CADPS2: variants seen among roughly 807,000 people sequenced by gnomAD.
CADPS2 encodes calcium-dependent secretion activator 2.
A neutral mutation model predicts 172.5 loss-of-function variants in CADPS2; 93 were observed. The observed-to-expected ratio is 0.54, with a 90% CI of 0.46 to 0.64. CADPS2 has a LOEUF of 0.64. CADPS2 is among the 30% of genes least tolerant of loss of function. The probability of loss-of-function intolerance (pLI) is 0.00; values close to 1 mark genes in which losing one functional copy is unlikely to be tolerated. For synonymous variants in CADPS2, 546 were observed against 555.2 expected (o/e 0.98, Z 0.23); for missense variants, 1,420 against 1,565.9 (o/e 0.91, Z 1.57).
intron 6 of CADPS2, chr7:122,585,788 T>C (rs1315026795): frequency 6.6e-6 from 1 of 151,988 alleles, no homozygotes; most frequent in East Asian, 1.9e-4. Flanking sequence ...TTCCTGGCTT[T>C]GAAAACACAG....
chr7:122,488,116 A>C (rs1398496630), intron 11 of CADPS2, among the ~76,000 whole-genome samples: 1 of 152,198 alleles, frequency 6.6e-6, no homozygotes, highest in Non-Finnish European at 1.5e-5. Flanking sequence ...CAAATTTATA[A>C]AAACTTGGTT....
At chr7:122,645,313 G>A (rs1354259762) in intron 3 of CADPS2, among the ~76,000 whole-genome samples, 4 of 124,138 alleles carry the variant, frequency 3.2e-5, no homozygotes, top group African/African-American at 5.7e-5. Flanking sequence ...ATGTACATGT[G>A]TGTATACATG....
chr7:122,810,033 T>A (rs1799689343), intron 1 of CADPS2, among the ~76,000 whole-genome samples: 1 of 152,170 alleles, frequency 6.6e-6, no homozygotes, highest in Non-Finnish European at 1.5e-5. Context: ...ACCCAAGCTC[T>A]GAGATCTCAG....
intron 20 of CADPS2, among the ~76,000 whole-genome samples, chr7:122,400,207 G>A (rs535527977): frequency 1.6e-4 from 25 of 151,868 alleles, no homozygotes; most frequent in Non-Finnish European, 3.4e-4. Flanking sequence ...AGGCCGAGGC[G>A]GGTGGATCAC....
At chr7:122,339,268 G>A (rs945312210) in intron 28 of CADPS2, among the ~76,000 whole-genome samples, 12 of 152,094 alleles carry the variant, frequency 7.9e-5, no homozygotes, top group African/African-American at 2.7e-4. Context: ...TCTATTTAAT[G>A]GTCACTTTTA....
intron 9 of CADPS2, among the ~76,000 whole-genome samples, chr7:122,509,467 G>A (rs1233295212): frequency 3.9e-5 from 6 of 152,170 alleles, no homozygotes; most frequent in Non-Finnish European, 2.9e-5. Context: ...CAACACAGAC[G>A]TCTACTCAGT....
At chr7:122,628,305 T>C (rs988513678) in intron 4 of CADPS2, among the ~76,000 whole-genome samples, 2 of 152,150 alleles carry the variant, frequency 1.3e-5, no homozygotes, top group African/African-American at 4.8e-5. Flanking sequence ...TTAAAATTAG[T>C]ATGGGATATA....
chr7:122,715,045 T>A (rs2089391853), intron 2 of CADPS2, among the ~76,000 whole-genome samples: 1 of 152,148 alleles, frequency 6.6e-6, no homozygotes, highest in East Asian at 1.9e-4. Context: ...TACAGACTTC[T>A]GGCCTCCACA....
intron 1 of CADPS2, among the ~76,000 whole-genome samples, chr7:122,860,706 C>A (rs986301367): frequency 6.6e-6 from 1 of 152,036 alleles, no homozygotes; most frequent in Admixed American, 6.6e-5. Flanking sequence ...TAATTTTATA[C>A]CTGCTGACCA....
intron 1 of CADPS2, among the ~76,000 whole-genome samples, chr7:122,753,164 T>C (rs1420360278): frequency 6.6e-6 from 1 of 152,188 alleles, no homozygotes; most frequent in South Asian, 2.1e-4. Flanking sequence ...AAGCACATTT[T>C]TGAATTAAAA....
At chr7:122,798,882 T>C (rs1796965409) in intron 1 of CADPS2, among the ~76,000 whole-genome samples, 1 of 151,746 alleles carries the variant, frequency 6.6e-6, no homozygotes, top group African/African-American at 2.4e-5. Flanking sequence ...GGGGAAGAAA[T>C]CTTCCTTTGT....
At chr7:122,643,341 C>T (rs527493151) in intron 3 of CADPS2, among the ~76,000 whole-genome samples, 1 of 152,340 alleles carries the variant, frequency 6.6e-6, no homozygotes, top group South Asian at 2.1e-4. Context: ...TAGAGCATAG[C>T]TCTACCCAAC....
At chr7:122,365,654 G>C (rs145758618) in intron 25 of CADPS2, among the ~76,000 whole-genome samples, 4 of 152,090 alleles carry the variant, frequency 2.6e-5, no homozygotes, top group Non-Finnish European at 5.9e-5. Context: ...GTGTCGGGTT[G>C]GAATGAAACA....
At chr7:122,746,146 T>C (rs991685915) in intron 1 of CADPS2, among the ~76,000 whole-genome samples, 1 of 152,110 alleles carries the variant, frequency 6.6e-6, no homozygotes, top group African/African-American at 2.4e-5. Context: ...ATTTTAGAAA[T>C]ACATGGTCAT....
intron 1 of CADPS2, among the ~76,000 whole-genome samples, chr7:122,852,660 C>A (rs781215569): frequency 3.3e-5 from 5 of 152,034 alleles, no homozygotes; most frequent in Non-Finnish European, 7.4e-5. Flanking sequence ...GCTGGCAGTT[C>A]CACGAACAGC....
chr7:122,780,734 C>A (rs1180680182), intron 1 of CADPS2, among the ~76,000 whole-genome samples: 1 of 152,142 alleles, frequency 6.6e-6, no homozygotes, highest in South Asian at 2.1e-4. Flanking sequence ...TCTCTAACTC[C>A]TGGGCACAAG....
At chr7:122,614,307 T>C (rs2074645768) in intron 6 of CADPS2, among the ~76,000 whole-genome samples, 3 of 152,094 alleles carry the variant, frequency 2.0e-5, no homozygotes. Context: ...TCTTTTCTGT[T>C]ACACATAACC....
At chr7:122,534,693 T>C (rs1056018423) in intron 8 of CADPS2, among the ~76,000 whole-genome samples, 1 of 152,020 alleles carries the variant, frequency 6.6e-6, no homozygotes, top group East Asian at 1.9e-4. Context: ...TTAACAGTAA[T>C]GTACATCAAT....
intron 7 of CADPS2, among the ~76,000 whole-genome samples, chr7:122,558,277 C>T (rs1001301424): frequency 1.3e-5 from 2 of 152,030 alleles, no homozygotes; most frequent in African/African-American, 2.4e-5. Context: ...TGTTGACAGT[C>T]ATAATAATTA....
Sources: allele counts gnomAD v4.1 joint callset (sites outside exome capture counted in the v4.1 genomes callset), GRCh38; gene constraint gnomAD v4.1.1; transcripts MANE v1.5; gene names NCBI Gene and HGNC (gene_info 2026-07-23, HGNC 2026-07-21).